FHAD1: variants seen among roughly 807,000 people sequenced by gnomAD.
FHAD1 encodes the protein forkhead associated phosphopeptide binding domain 1.
FHAD1 carries 146 observed loss-of-function variants against 191.3 expected under a neutral mutation model. The ratio of observed to expected loss-of-function variants is 0.76; its 90% confidence interval spans 0.67 to 0.88. The LOEUF is 0.88. Ranked by LOEUF, FHAD1 falls within the 40% of genes least tolerant of loss-of-function variation. FHAD1 has a pLI of 0.00. For synonymous variants in FHAD1, 616 were observed against 672.3 expected (o/e 0.92, Z 1.29); for missense variants, 1,635 against 1,785.8 (o/e 0.92, Z 1.52).
intron 18 of FHAD1, among the ~76,000 whole-genome samples, chr1:15,346,843 G>T (rs893049550): frequency 6.6e-6 from 1 of 152,220 alleles, no homozygotes; most frequent in Non-Finnish European, 1.5e-5. Context: ...CTCCCTTCTC[G>T]AAGGGGCGGC....
chr1:15,360,499 A>G lies in FHAD1; in HGVS notation c.2758A>G (p.Ile920Val), dbSNP rs921247308. 4 of 1,551,380 alleles carry G rather than the reference A, an allele frequency of 2.6e-6. No individual in the cohort carries two copies. The highest frequency in any genetic ancestry group is 2.4e-5 in the East Asian group (1 of 40,906). Residue 920 changes from isoleucine to valine, a missense_variant, in exon 22 of 34, where the codon ATC becomes GTC. Coordinates refer to ENST00000688493, the MANE Select transcript of FHAD1 (RefSeq NM_001391957.1). ...TKMIMVEERL[I>V]LQQKMVKALQ... The stretch of plus-strand genomic sequence containing the variant: ...CCAGATCATGGTGGAAGAGCGGCTA[A>G]TCCTGCAGCAGAAGATGGTAAAGGC...
chr1:15,328,176 TAA>T, intron 12 of FHAD1, 99 bp from the exon 13 acceptor site: 1 of 962,928 alleles, frequency 1.0e-6, no homozygotes, highest in Non-Finnish European at 1.5e-6. Context: ...GACAGGGACT[TAA>T]GTTGCATCTC....
At position 15,367,504 on chromosome 1, in the gene FHAD1, G is replaced by C. The variant is rs1004755861; in HGVS notation, c.3196G>C (p.Val1066Leu). ...EKQKMELEQNVVLVQQQSKEL... is the reference protein window; with the variant it reads ...EKQKMELEQNLVLVQQQSKEL... ...GCAGAAGATGGAACTGGAGCAGAACGTGGTGCTGGTCCAGCAGCAGAGCAA... is the reference window on the plus strand; with the variant it reads ...GCAGAAGATGGAACTGGAGCAGAACCTGGTGCTGGTCCAGCAGCAGAGCAA... Residue 1066 changes from valine to leucine, a missense_variant, in exon 25 of 34, where the codon GTG becomes CTG. Physicochemically the swap from Val to Leu is conservative, Grantham distance 32 (BLOSUM62 1). Coordinates refer to ENST00000688493, the MANE Select transcript of FHAD1 (RefSeq NM_001391957.1). 2.6e-6 allele frequency: 4 copies of C among 1,551,324 alleles called. No homozygotes were observed. Among genetic ancestry groups the C allele is most frequent in the Admixed American group, 3.9e-5 (2 of 50,962 alleles).
At chr1:15,261,488 C>G (rs576846352) in intron 2 of FHAD1, among the ~76,000 whole-genome samples, 1 of 152,286 alleles carries the variant, frequency 6.6e-6, no homozygotes, top group East Asian at 1.9e-4. Flanking sequence ...GGGGAACTGT[C>G]ACAGACTCCA....
intron 2 of FHAD1, among the ~76,000 whole-genome samples, chr1:15,262,999 A>G (rs1651786923): frequency 6.6e-6 from 1 of 152,224 alleles, no homozygotes; most frequent in African/African-American, 2.4e-5. Flanking sequence ...GCCATCCTAA[A>G]GGGTGCAAAG....
At chr1:15,370,697 ACT>A (rs1314896402) in intron 26 of FHAD1, among the ~76,000 whole-genome samples, 7 of 151,974 alleles carry the variant, frequency 4.6e-5, no homozygotes, top group African/African-American at 1.5e-4. Context: ...AGGTGCTCAC[ACT>A]CTGTCCCTAT....
In FHAD1 at chr1:15,376,065, ATTTATTTATTTATTTT is replaced by A. The variant is rs1407558653; in HGVS notation, c.3705+347_3705+362del. Among the ~76,000 whole-genome samples, 352 of 88,528 alleles carry A rather than the reference ATTTATTTATTTATTTT, an allele frequency of 4.0e-3. 1 individual carries two copies. Among genetic ancestry groups the A allele is most frequent in the East Asian group, 0.018 (60 of 3,386 alleles). The allele number at this position is 88,528 out of a possible 152,430, so 58.1% of individuals were successfully genotyped here. On this transcript the variant is annotated intron_variant, in intron 28 of 33. Transcript: ENST00000688493. Reference sequence around the variant, plus strand: ...TTTTATTTTATTTATTTATTTATTTATTTATTTATTTATTTTTTTATTTATTTTTTTATTTATTTTT... The same window carrying A: ...TTTTATTTTATTTATTTATTTATTTATTTATTTATTTTTTTATTTATTTTT...
intron 24 of FHAD1, among the ~76,000 whole-genome samples, chr1:15,366,593 T>G (rs1696557429): frequency 6.6e-6 from 1 of 152,246 alleles, no homozygotes; most frequent in African/African-American, 2.4e-5. Flanking sequence ...CAGGCCAGTT[T>G]GCACAAGCCC....
At chr1:15,347,651 G>A (rs757147034) in intron 18 of FHAD1, among the ~76,000 whole-genome samples, 6 of 152,204 alleles carry the variant, frequency 3.9e-5, no homozygotes, top group Non-Finnish European at 7.3e-5. Flanking sequence ...GTTTCACCAC[G>A]TTGGCCAGGC....
At chr1:15,264,183 A>C (rs551736465) in intron 2 of FHAD1, among the ~76,000 whole-genome samples, 1 of 152,174 alleles carries the variant, frequency 6.6e-6, no homozygotes, top group East Asian at 1.9e-4. Context: ...CACCATTGGA[A>C]TTTTGATAAA....
chr1:15,328,718 A>G (rs188168916), intron 13 of FHAD1: 3,352 of 270,130 alleles, frequency 0.012, 29 homozygotes, highest in Non-Finnish European at 0.016. Context: ...CATAGCCCCT[A>G]TGTTATTTCC....
intron 32 of FHAD1, among the ~76,000 whole-genome samples, chr1:15,389,386 C>T (rs942443613): frequency 6.4e-5 from 9 of 141,508 alleles, no homozygotes; most frequent in South Asian, 2.2e-4. Flanking sequence ...TTCAAGGTTG[C>T]GATGAGCCAC....
At chr1:15,306,111 G>A (rs1395393761) in intron 6 of FHAD1, among the ~76,000 whole-genome samples, 1 of 152,192 alleles carries the variant, frequency 6.6e-6, no homozygotes, top group East Asian at 1.9e-4. Flanking sequence ...AGGCTGAGGT[G>A]GTCTCCGATG....
At chr1:15,236,795 G>C (rs1553210178) in intron 1 of FHAD1, among the ~76,000 whole-genome samples, 1 of 152,192 alleles carries the variant, frequency 6.6e-6, no homozygotes. Context: ...GCTGAAGCTA[G>C]TTTGAACTGG....
intron 22 of FHAD1, among the ~76,000 whole-genome samples, chr1:15,361,896 C>A (rs570124337): frequency 1.3e-4 from 19 of 151,556 alleles, no homozygotes; most frequent in African/African-American, 4.4e-4. Flanking sequence ...TCCAGCTACT[C>A]GGGAGGCTGA....
chr1:15,322,772 T>A (rs1425482608), intron 10 of FHAD1, among the ~76,000 whole-genome samples: 1 of 152,066 alleles, frequency 6.6e-6, no homozygotes, highest in African/African-American at 2.4e-5. Context: ...TGGAAGGAAA[T>A]AAATTAGAGG....
Position 15,316,691 on chromosome 1 carries a change from T to C in FHAD1, c.1260+224T>C, listed in dbSNP as rs565264312. 1.3e-5 allele frequency among the ~76,000 whole-genome samples: 2 copies of C among 152,156 alleles called. No homozygotes were observed. Among genetic ancestry groups the C allele is most frequent in the South Asian group, 4.2e-4 (2 of 4,810 alleles). The stretch of plus-strand genomic sequence containing the variant: ...CAGTTGGCTCTAGCTCCCTCAAGGG[T>C]TTCCCCTGGGGCCAGGTTGGGGTTG... On this transcript the variant is annotated intron_variant, in intron 9 of 33. Coordinates refer to ENST00000688493, the MANE Select transcript of FHAD1 (RefSeq NM_001391957.1). The surrounding 1 kb of genome is among the most constrained non-coding windows in gnomAD (Gnocchi z 4.3).
chr1:15,395,840 T>G (rs1160391145), intron 33 of FHAD1, among the ~76,000 whole-genome samples: 4 of 152,212 alleles, frequency 2.6e-5, no homozygotes, highest in African/African-American at 9.6e-5. Flanking sequence ...TAATGTATTT[T>G]ACGTGTGGCC....
Position 15,289,783 on chromosome 1 carries a change from A to C in FHAD1, c.568+117A>C. On this transcript the variant is annotated intron_variant, in intron 4 of 33. Coordinates refer to ENST00000688493, the MANE Select transcript of FHAD1 (RefSeq NM_001391957.1). The surrounding 1 kb of genome is among the most constrained non-coding windows in gnomAD (Gnocchi z 4.2). ...AGAACATATTCAATTGTAAAAAATG[A>C]AAATAAATTCAGGATAAGCAGAAAG... 1 of 1,395,308 alleles carries C rather than the reference A, an allele frequency of 7.2e-7. No individual in the cohort carries two copies. The highest frequency in any genetic ancestry group is 1.5e-5 in the South Asian group (1 of 66,326). The allele number at this position is 1,395,308 out of a possible 1,614,324, so 86.4% of individuals were successfully genotyped here. A position where few individuals can be genotyped will look rare whatever the true frequency, so the allele number is the denominator to read the frequency against.
Sources: gnomAD v4.1 joint callset for allele counts (sites outside exome capture counted in the v4.1 genomes callset) on GRCh38, gnomAD v4.1.1 for gene constraint, Gnocchi (gnomAD v3.1) non-coding constraint, MANE v1.5 for transcripts, NCBI Gene and HGNC (gene_info 2026-07-23, HGNC 2026-07-21) for gene names.